Variants in NCKAP5 observed in about 807,000 individuals in gnomAD.
NCKAP5 encodes the protein nck-associated protein 5.
Under a neutral mutation model 167.0 loss-of-function variants are expected in NCKAP5, and 92 were observed. The observed-to-expected ratio is 0.55, with a 90% CI of 0.47 to 0.66. The LOEUF (loss-of-function observed/expected upper bound fraction) is 0.66, where lower values mean the gene tolerates loss of function less well. Ranked by LOEUF, NCKAP5 falls within the 30% of genes least tolerant of loss-of-function variation. The pLI is 0.00. For missense variants in NCKAP5, 2,378 were observed against 2,315.0 expected, an observed-to-expected ratio of 1.03 and a Z score of -0.56; for synonymous variants, 891 against 877.4, an observed-to-expected ratio of 1.02 and a Z score of -0.27.
At chr2:133,019,436 C>A (rs780756710) in intron 6 of NCKAP5, among the ~76,000 whole-genome samples, 2 of 152,072 alleles carry the variant, frequency 1.3e-5, no homozygotes, top group African/African-American at 2.4e-5. Flanking sequence ...CAAACTTCAC[C>A]TGCTTTGAAT....
Position 132,793,701 on chromosome 2 carries a change from C to G in NCKAP5, c.909+2927G>C, listed in dbSNP as rs541811805. Among the ~76,000 whole-genome samples the G allele has an allele frequency of 1.7e-4, 26 of 152,236 alleles. No individual in the cohort carries two copies. In the South Asian group the frequency reaches 5.2e-3, roughly 30 times the overall value. ...AAGCCAGGCAAAGGGAATGGCTGAG[C>G]CTGCCTGCCAGCAGGCACGTAAGTT... On this transcript the variant is annotated intron_variant, in intron 12 of 19. Transcript: ENST00000409261.
At position 133,282,184 on chromosome 2, in the gene NCKAP5, G is replaced by T. The variant is rs558900735; in HGVS notation, c.143+20853C>A. Among the ~76,000 whole-genome samples the T allele has an allele frequency of 1.4e-4, 21 of 152,306 alleles. No homozygotes were observed. In the South Asian group the frequency reaches 4.4e-3, roughly 32 times the overall value. ...AGACTAAACCTCATAAAACTGTGAT[G>T]ATTAAATGACTTAATACTTGTGAAG... On this transcript the variant is annotated intron_variant, in intron 4 of 19. Coordinates refer to ENST00000409261, the MANE Select transcript of NCKAP5 (RefSeq NM_207363.3).
chr2:133,054,718 T>C (rs2079732991), intron 6 of NCKAP5, among the ~76,000 whole-genome samples: 1 of 152,130 alleles, frequency 6.6e-6, no homozygotes, highest in African/African-American at 2.4e-5. Context: ...AACTAGAAAG[T>C]AAAGTATCCT....
At chr2:132,907,960 A>G (rs1694135199) in intron 8 of NCKAP5, among the ~76,000 whole-genome samples, 1 of 152,118 alleles carries the variant, frequency 6.6e-6, no homozygotes, top group South Asian at 2.1e-4. Context: ...CCTGGCCCAC[A>G]ATGTAATCAT....
the NCKAP5 span, among the ~76,000 whole-genome samples, chr2:133,641,479 A>C: frequency 1.3e-5 from 2 of 152,346 alleles, no homozygotes; most frequent in Non-Finnish European, 2.9e-5. Flanking sequence ...GCCAGCTAAG[A>C]GCTGAAAAGA....
intron 3 of NCKAP5, among the ~76,000 whole-genome samples, chr2:133,405,188 CAACTGATCAATACAT>C (rs1030442823): frequency 2.0e-5 from 3 of 152,190 alleles, no homozygotes; most frequent in Non-Finnish European, 2.9e-5. Context: ...ACATTTTTGT[CAACTGATCAATACAT>C]AACCTTGTTT....
At chr2:133,576,724 T>C in the NCKAP5 span, among the ~76,000 whole-genome samples, 1 of 152,198 alleles carries the variant, frequency 6.6e-6, no homozygotes, top group Non-Finnish European at 1.5e-5. Flanking sequence ...CTGGAAAAGT[T>C]AGGACAATCT....
intron 6 of NCKAP5, 31 bp from the exon 7 acceptor site, chr2:132,994,270 A>C: frequency 6.7e-7 from 1 of 1,495,084 alleles, no homozygotes; most frequent in South Asian, 1.2e-5. Context: ...GAATTTCTTA[A>C]AGAAGGTTTC....
chr2:132,830,477 C>A (rs186693404), intron 11 of NCKAP5, among the ~76,000 whole-genome samples: 1 of 151,842 alleles, frequency 6.6e-6, no homozygotes, highest in Non-Finnish European at 1.5e-5. Flanking sequence ...ATCTCACTCC[C>A]GAAGAACAAA....
At chr2:132,929,199 G>A (rs561742187) in intron 8 of NCKAP5, among the ~76,000 whole-genome samples, 1 of 152,022 alleles carries the variant, frequency 6.6e-6, no homozygotes, top group Non-Finnish European at 1.5e-5. Flanking sequence ...GGATTTCGCA[G>A]CCTCCACAAC....
At chr2:132,679,666 T>A (rs1373051769) in intron 19 of NCKAP5, among the ~76,000 whole-genome samples, 1 of 152,086 alleles carries the variant, frequency 6.6e-6, no homozygotes, top group East Asian at 1.9e-4. Flanking sequence ...GAGCTTCCAT[T>A]TGGAAGCAAA....
At chr2:132,858,723 T>A (rs920919937) in intron 11 of NCKAP5, among the ~76,000 whole-genome samples, 1 of 152,204 alleles carries the variant, frequency 6.6e-6, no homozygotes, top group Non-Finnish European at 1.5e-5. Context: ...AAATATGAAG[T>A]GTGTTGGCTG....
the NCKAP5 span, among the ~76,000 whole-genome samples, chr2:133,654,374 T>C: frequency 1.1e-5 from 1 of 89,592 alleles, no homozygotes; most frequent in Non-Finnish European, 2.3e-5. Flanking sequence ...CGAGACTCTA[T>C]CTCAAATAAA....
intron 11 of NCKAP5, among the ~76,000 whole-genome samples, chr2:132,832,547 C>A (rs544292124): frequency 6.6e-6 from 1 of 151,468 alleles, no homozygotes; most frequent in African/African-American, 2.4e-5. Flanking sequence ...CAAGTCTCTA[C>A]TGTCTATAAT....
At chr2:132,983,462 T>C (rs1198454865) in intron 7 of NCKAP5, among the ~76,000 whole-genome samples, 3 of 152,166 alleles carry the variant, frequency 2.0e-5, no homozygotes, top group Non-Finnish European at 4.4e-5. Context: ...ATGGCTCTTA[T>C]TATGTTGAGG....
At chr2:133,530,116 C>T (rs1025596207) in intron 2 of NCKAP5, among the ~76,000 whole-genome samples, 10 of 152,122 alleles carry the variant, frequency 6.6e-5, no homozygotes, top group African/African-American at 2.2e-4. Context: ...TGTAAACCTA[C>T]GTAAAGCATA....
At chr2:133,117,791 G>A (rs532598693) in intron 6 of NCKAP5, 12 of 152,258 alleles carry the variant, frequency 7.9e-5, no homozygotes, top group African/African-American at 2.9e-4. Context: ...CTGGGCTTCA[G>A]GAAAAGAGTT....
chr2:133,111,577 ACT>A (rs1478060150), intron 6 of NCKAP5, among the ~76,000 whole-genome samples: 3 of 151,976 alleles, frequency 2.0e-5, no homozygotes, highest in African/African-American at 7.3e-5. Flanking sequence ...GTAGAACCTC[ACT>A]CTACAAACAC....
In NCKAP5 at chr2:132,945,855, G is replaced by A. The variant is rs576014934; in HGVS notation, c.579+17865C>T. 1.5e-3 allele frequency among the ~76,000 whole-genome samples: 231 copies of A among 152,338 alleles called. 1 individual carries two copies. Among genetic ancestry groups the A allele is most frequent in the African/African-American group, 5.1e-3 (212 of 41,592 alleles). Reference sequence around the variant, plus strand: ...AGGACCAGGAGTTGAACCCAGGGCTGAAGGATTCAAACTCTTTACTCATTT... The same window carrying A: ...AGGACCAGGAGTTGAACCCAGGGCTAAAGGATTCAAACTCTTTACTCATTT... On this transcript the variant is annotated intron_variant, in intron 8 of 19. Transcript: ENST00000409261.
Sources: gnomAD v4.1 joint callset for allele counts (sites outside exome capture counted in the v4.1 genomes callset) on GRCh38, gnomAD v4.1.1 for gene constraint, MANE v1.5 for transcripts, NCBI Gene and HGNC (gene_info 2026-07-23, HGNC 2026-07-21) for gene names.